The following MEOX2 variants were observed in gnomAD, a reference collection of about 807,000 sequenced individuals.
MEOX2 encodes mesenchyme homeobox 2, also known as homeobox protein MOX-2.
A neutral mutation model predicts 27.0 loss-of-function variants in MEOX2; 11 were observed. The ratio of observed to expected loss-of-function variants is 0.41; its 90% CI spans 0.26 to 0.68. The LOEUF (loss-of-function observed/expected upper bound fraction) is 0.68. Ranked by LOEUF, MEOX2 falls within the 30% of genes least tolerant of loss-of-function variation. The probability of loss-of-function intolerance (pLI) is 0.33; values close to 1 mark genes in which losing one functional copy is unlikely to be tolerated. For synonymous variants in MEOX2, 189 were observed against 155.4 expected (o/e 1.22, Z -1.61); for missense variants, 436 against 385.4 (o/e 1.13, Z -1.10).
At chr7:15,637,924 A>G (rs1012725249) in intron 1 of MEOX2, among the ~76,000 whole-genome samples, 1 of 152,046 alleles carries the variant, frequency 6.6e-6, no homozygotes, top group Non-Finnish European at 1.5e-5. Context: ...AATAATACAA[A>G]CCTACTATTA....
chr7:15,632,514 A>C (rs976795737), intron 1 of MEOX2, among the ~76,000 whole-genome samples: 1 of 151,888 alleles, frequency 6.6e-6, no homozygotes, highest in Non-Finnish European at 1.5e-5. Flanking sequence ...AAGAACTAAA[A>C]ATGGTGATGA....
intron 1 of MEOX2, among the ~76,000 whole-genome samples, chr7:15,636,624 TG>T (rs921792430): frequency 2.6e-5 from 4 of 152,240 alleles, no homozygotes; most frequent in Admixed American, 1.3e-4. Context: ...ATCATTTCTT[TG>T]GAGATCTTAA....
chr7:15,628,603 A>G (rs1583748891), intron 1 of MEOX2, among the ~76,000 whole-genome samples: 1 of 152,126 alleles, frequency 6.6e-6, no homozygotes, highest in African/African-American at 2.4e-5. Flanking sequence ...TGTCATGCAC[A>G]GGTTGATTGC....
chr7:15,617,937 A>T (rs1781149027), intron 2 of MEOX2, among the ~76,000 whole-genome samples: 1 of 152,112 alleles, frequency 6.6e-6, no homozygotes, highest in South Asian at 2.1e-4. Flanking sequence ...GCCATGGACA[A>T]ATAACATATT....
At position 15,678,018 on chromosome 7, in the gene MEOX2, G is replaced by T. The variant is rs1259373578; in HGVS notation, c.517+7868C>A. Reference sequence around the variant, plus strand: ...ATTTATAATTCCCTGAATTTTGAGTGTGGACATTCACAAGACTGTAATCTT... The same window carrying T: ...ATTTATAATTCCCTGAATTTTGAGTTTGGACATTCACAAGACTGTAATCTT... On this transcript the variant is annotated intron_variant, in intron 1 of 2. Transcript: ENST00000262041. 2.6e-5 allele frequency among the ~76,000 whole-genome samples: 4 copies of T among 152,126 alleles called. No individual in the cohort carries two copies. The East Asian group carries it at 7.7e-4, about 29-fold the overall frequency.
At chr7:15,635,165 G>C (rs1160654882) in intron 1 of MEOX2, among the ~76,000 whole-genome samples, 4 of 152,060 alleles carry the variant, frequency 2.6e-5, no homozygotes, top group African/African-American at 9.6e-5. Context: ...CCTGAGAAAA[G>C]TGAGGCTCAA....
intron 1 of MEOX2, among the ~76,000 whole-genome samples, chr7:15,627,996 G>T (rs1464277509): frequency 1.3e-5 from 2 of 152,036 alleles, no homozygotes; most frequent in Non-Finnish European, 2.9e-5. Flanking sequence ...TCTTTAAAAA[G>T]TGTGAATACA....
At chr7:15,636,111 T>C (rs1400644301) in intron 1 of MEOX2, among the ~76,000 whole-genome samples, 1 of 151,890 alleles carries the variant, frequency 6.6e-6, no homozygotes, top group Non-Finnish European at 1.5e-5. Flanking sequence ...TTAAAAAAAG[T>C]TTAATTAATA....
chr7:15,652,633 AGTT>A (rs1186833882), intron 1 of MEOX2, among the ~76,000 whole-genome samples: 2 of 152,072 alleles, frequency 1.3e-5, no homozygotes, highest in African/African-American at 4.8e-5. Context: ...ATTTTGAGAT[AGTT>A]GTTGATTCAC....
chr7:15,619,650 G>GTA (rs1245731762), intron 2 of MEOX2, among the ~76,000 whole-genome samples: 2 of 151,820 alleles, frequency 1.3e-5, no homozygotes, highest in East Asian at 1.9e-4. Context: ...ATGTGTGTGT[G>GTA]TATATATATC....
At chr7:15,648,923 C>A (rs568743553) in intron 1 of MEOX2, among the ~76,000 whole-genome samples, 1 of 151,964 alleles carries the variant, frequency 6.6e-6, no homozygotes, top group African/African-American at 2.4e-5. Flanking sequence ...AGCAGAAATG[C>A]CTCACTCCAT....
chr7:15,620,771 A>T (rs1026820475), intron 2 of MEOX2, among the ~76,000 whole-genome samples: 1 of 152,212 alleles, frequency 6.6e-6, no homozygotes, highest in Non-Finnish European at 1.5e-5. Flanking sequence ...TGATCTCGTT[A>T]GGTGGGATTT....
intron 1 of MEOX2, among the ~76,000 whole-genome samples, chr7:15,646,079 G>A (rs1209518649): frequency 6.6e-6 from 1 of 151,998 alleles, no homozygotes; most frequent in East Asian, 1.9e-4. Flanking sequence ...CCTATATTTT[G>A]TGGTGGTAGC....
At chr7:15,624,883 T>C (rs953518958) in intron 2 of MEOX2, among the ~76,000 whole-genome samples, 27 of 152,214 alleles carry the variant, frequency 1.8e-4, no homozygotes, top group African/African-American at 6.3e-4. Flanking sequence ...AATTCTTGCA[T>C]GTAATTCTTT....
At chr7:15,672,760 C>T (rs543835526) in intron 1 of MEOX2, among the ~76,000 whole-genome samples, 4 of 151,918 alleles carry the variant, frequency 2.6e-5, no homozygotes, top group South Asian at 4.2e-4. Context: ...GGTATGGTGG[C>T]ACGTGCCTGT....
At chr7:15,661,297 A>T (rs1781912763) in intron 1 of MEOX2, among the ~76,000 whole-genome samples, 1 of 152,116 alleles carries the variant, frequency 6.6e-6, no homozygotes, top group Non-Finnish European at 1.5e-5. Context: ...TAAGAACCGT[A>T]TTCACTCACA....
chr7:15,627,635 A>T (rs1008680983), intron 1 of MEOX2, among the ~76,000 whole-genome samples: 6 of 152,198 alleles, frequency 3.9e-5, no homozygotes, highest in African/African-American at 1.4e-4. Flanking sequence ...ATCAAATCTT[A>T]TAATGCAGTG....
intron 1 of MEOX2, among the ~76,000 whole-genome samples, chr7:15,638,098 T>G (rs992719904): frequency 6.6e-6 from 1 of 152,130 alleles, no homozygotes; most frequent in Non-Finnish European, 1.5e-5. Context: ...TTTAGTGATC[T>G]TGAACTTAGT....
In MEOX2 at chr7:15,626,897, T is replaced by C; in HGVS notation, c.539A>G (p.Lys180Arg). The change falls in exon 2 of 3, where the codon AAG (lysine) becomes AGG (arginine). Residue 180 changes from lysine (K) to arginine (R), a missense_variant. By Grantham distance (26) the Lys-to-Arg change is conservative (BLOSUM62 2). Coordinates refer to ENST00000262041, the MANE Select transcript of MEOX2 (RefSeq NM_005924.5). ...CCTGGGTTTGCTGTTGACTTCTGAC[T>C]TGTAATTTCCTTCCTGGGAGTCTGA... ...DSSDSQEGNY[K>R]SEVNSKPRKE... is the part of the protein sequence containing the mutation. The C allele has an allele frequency of 4.3e-6, 7 of 1,612,382 alleles. No individual in the cohort carries two copies. The highest frequency in any genetic ancestry group is 1.1e-5 in the South Asian group (1 of 90,986).
Sources: allele counts gnomAD v4.1 joint callset (sites outside exome capture counted in the v4.1 genomes callset), GRCh38; gene constraint gnomAD v4.1.1; transcripts MANE v1.5; gene names NCBI Gene and HGNC (gene_info 2026-07-23, HGNC 2026-07-21).